The following ADGRL3 variants were observed in gnomAD, a reference collection of about 807,000 sequenced individuals.
The protein encoded by ADGRL3 is calcium-independent alpha-latrotoxin receptor 3.
A neutral mutation model predicts 153.5 loss-of-function variants in ADGRL3; 62 were observed. The ratio of observed to expected loss-of-function variants is 0.40; its 90% CI spans 0.33 to 0.50. The LOEUF is 0.50. ADGRL3 is among the 20% of genes least tolerant of loss of function. ADGRL3 has a pLI of 0.47. For synonymous variants in ADGRL3, 710 were observed against 672.5 expected (o/e 1.06, Z -0.86); for missense variants, 1,641 against 1,859.4 (o/e 0.88, Z 2.16).
intron 1 of ADGRL3, among the ~76,000 whole-genome samples, chr4:61,292,858 T>C (rs1251681274): frequency 6.6e-6 from 1 of 152,164 alleles, no homozygotes; most frequent in Admixed American, 6.5e-5. Context: ...TAGAACCTTC[T>C]TGACCAAAAC....
intron 1 of ADGRL3, among the ~76,000 whole-genome samples, chr4:61,378,953 T>G (rs747831426): frequency 5.3e-5 from 8 of 151,982 alleles, no homozygotes; most frequent in Non-Finnish European, 8.8e-5. Flanking sequence ...CTTTAAAGTA[T>G]TTATGTAATA....
At chr4:61,932,530 A>G (rs1308495337) in intron 13 of ADGRL3, among the ~76,000 whole-genome samples, 8 of 152,036 alleles carry the variant, frequency 5.3e-5, no homozygotes, top group Non-Finnish European at 7.4e-5. Context: ...ATTGCACTTG[A>G]TCATGGTTTA....
Position 61,269,100 on chromosome 4 carries a change from C to A in ADGRL3, c.-240+67335C>A, listed in dbSNP as rs576913557. ...TGAAAGAGATCAATATTTTTGGCCC[C>A]AAGGGAGCTGCACTGATAAGAGACT... On this transcript the variant is annotated intron_variant, in intron 1 of 26. Transcript: ENST00000683033. Among the ~76,000 whole-genome samples the A allele has an allele frequency of 2.0e-5, 3 of 151,648 alleles. No homozygotes were observed. The East Asian group carries it at 5.8e-4, about 29-fold the overall frequency.
intron 2 of ADGRL3, among the ~76,000 whole-genome samples, chr4:61,482,640 G>C (rs537001479): frequency 6.6e-6 from 1 of 152,062 alleles, no homozygotes; most frequent in Non-Finnish European, 1.5e-5. Flanking sequence ...AGATAGAAAA[G>C]GCTTTTTGCA....
intron 17 of ADGRL3, among the ~76,000 whole-genome samples, chr4:61,958,781 A>G (rs1363955898): frequency 6.6e-6 from 1 of 152,044 alleles, no homozygotes; most frequent in East Asian, 1.9e-4. Flanking sequence ...CCAATTCAAG[A>G]TGAGATTTGG....
rs1383530827 is a variant in ADGRL3, at chr4:62,070,485, G to A, written c.4209G>A (p.Leu1403=). The change falls in exon 27 of 27, where the codon TTG becomes TTA. Residue 1403 remains leucine (L), a synonymous_variant. Transcript: ENST00000683033. ...ELIHEESDAP[L]LPPRVYSTEN... ...TTCATGAGGAATCTGATGCTCCTTTGCTGCCCCCAAGAGTATACTCCACCG... is the reference window on the plus strand; with the variant it reads ...TTCATGAGGAATCTGATGCTCCTTTACTGCCCCCAAGAGTATACTCCACCG... 1 of 1,551,066 alleles carries A rather than the reference G, an allele frequency of 6.4e-7. No homozygotes were observed. The highest frequency in any genetic ancestry group is 1.7e-4 in the Middle Eastern group (1 of 5,992).
At chr4:61,391,150 G>T (rs1194155553) in intron 2 of ADGRL3, among the ~76,000 whole-genome samples, 1 of 152,124 alleles carries the variant, frequency 6.6e-6, no homozygotes, top group Non-Finnish European at 1.5e-5. Context: ...AAACAGAAAA[G>T]GGTTTATTGT....
intron 8 of ADGRL3, among the ~76,000 whole-genome samples, chr4:61,780,317 G>A (rs2097199907): frequency 6.6e-6 from 1 of 152,124 alleles, no homozygotes; most frequent in African/African-American, 2.4e-5. Context: ...TTGAATAGCT[G>A]TAATCAATTA....
chr4:62,021,931 A>G (rs1489290921), intron 21 of ADGRL3, among the ~76,000 whole-genome samples: 1 of 152,156 alleles, frequency 6.6e-6, no homozygotes, highest in African/African-American at 2.4e-5. Context: ...AGGCCAATTA[A>G]TAACCCTGCA....
At chr4:61,739,197 C>CA (rs938851410) in intron 8 of ADGRL3, among the ~76,000 whole-genome samples, 1 of 151,996 alleles carries the variant, frequency 6.6e-6, no homozygotes, top group African/African-American at 2.4e-5. Context: ...AATACAAATG[C>CA]AAAGCATCTC....
At chr4:61,468,045 A>G (rs1310817524) in intron 2 of ADGRL3, among the ~76,000 whole-genome samples, 1 of 152,156 alleles carries the variant, frequency 6.6e-6, no homozygotes, top group African/African-American at 2.4e-5. Context: ...TCATTGTTGT[A>G]AAAATCGCTT....
At chr4:61,406,754 GA>G (rs1362804506) in intron 2 of ADGRL3, among the ~76,000 whole-genome samples, 3 of 151,904 alleles carry the variant, frequency 2.0e-5, no homozygotes, top group African/African-American at 4.8e-5. Context: ...GTTTGTACAA[GA>G]AAAATATTCT....
chr4:61,558,043 A>G (rs2098775391), intron 4 of ADGRL3, among the ~76,000 whole-genome samples: 1 of 150,526 alleles, frequency 6.6e-6, no homozygotes, highest in Non-Finnish European at 1.5e-5. Context: ...GTAAGAATAC[A>G]TATTCTGCAT....
chr4:61,372,786 A>G (rs1356979555), intron 1 of ADGRL3, among the ~76,000 whole-genome samples: 1 of 151,982 alleles, frequency 6.6e-6, no homozygotes, highest in African/African-American at 2.4e-5. Context: ...TGCTTTGTTT[A>G]CCTAAGCAAG....
Position 61,657,692 on chromosome 4 carries a change from G to A in ADGRL3, c.474-19134G>A, listed in dbSNP as rs186208175. ...CTTCTGAATAATTTTGAAAATGTCC[G>A]CTTGCTTTGGAGAAAAAAGCAAACA... On this transcript the variant is annotated intron_variant, in intron 5 of 26. Transcript: ENST00000683033. 9.5e-4 allele frequency among the ~76,000 whole-genome samples: 144 copies of A among 152,098 alleles called. 1 individual carries two copies. The highest frequency in any genetic ancestry group is 6.8e-3 in the Middle Eastern group (2 of 294).
chr4:61,222,112 G>T (rs1745866554), intron 1 of ADGRL3, among the ~76,000 whole-genome samples: 1 of 151,798 alleles, frequency 6.6e-6, no homozygotes, highest in East Asian at 1.9e-4. Context: ...TAGATTATAT[G>T]CTCATTCATG....
chr4:61,892,509 T>C (rs1243705381), intron 9 of ADGRL3, 147 bp from the exon 10 acceptor site: 2 of 618,872 alleles, frequency 3.2e-6, no homozygotes, highest in African/African-American at 1.9e-5. Flanking sequence ...ATTTTTGCCA[T>C]GTTTAAAATG....
chr4:61,647,248 C>T (rs2088461), intron 5 of ADGRL3, among the ~76,000 whole-genome samples: 51,833 of 151,918 alleles, frequency 0.34, 9,389 homozygotes, highest in East Asian at 0.52. Flanking sequence ...CTGCGTGGCT[C>T]ACGCTGGGAG....
chr4:61,715,390 A>G (rs531418423), intron 6 of ADGRL3, among the ~76,000 whole-genome samples: 2 of 152,318 alleles, frequency 1.3e-5, no homozygotes, highest in East Asian at 1.9e-4. Context: ...TGTTAAAGGC[A>G]GTATTCAATG....
Sources: gnomAD v4.1 joint callset for allele counts (sites outside exome capture counted in the v4.1 genomes callset) on GRCh38, gnomAD v4.1.1 for gene constraint, MANE v1.5 for transcripts, NCBI Gene and HGNC (gene_info 2026-07-23, HGNC 2026-07-21) for gene names.